The following GAP43 variants were observed in gnomAD, a reference collection of about 807,000 sequenced individuals.
GAP43 encodes the protein neuromodulin.
GAP43 carries 6 observed loss-of-function variants against 18.6 expected under a neutral mutation model. The observed-to-expected ratio is 0.32, with a 90% CI of 0.18 to 0.64. The LOEUF is 0.64. Ranked by LOEUF, GAP43 falls within the 30% of genes least tolerant of loss-of-function variation. The pLI is 0.78. For missense variants in GAP43, 292 were observed against 295.5 expected (o/e 0.99, Z 0.09); for synonymous variants, 115 against 111.4 (o/e 1.03, Z -0.20).
At chr3:115,712,557 C>T (rs1247901328) in intron 2 of GAP43, among the ~76,000 whole-genome samples, 2 of 152,216 alleles carry the variant, frequency 1.3e-5, no homozygotes, top group African/African-American at 4.8e-5. Flanking sequence ...CGACAAACTA[C>T]ATTCTGCACT....
chr3:115,633,814 C>T (rs1392393242), intron 1 of GAP43, among the ~76,000 whole-genome samples: 3 of 152,150 alleles, frequency 2.0e-5, no homozygotes, highest in South Asian at 2.1e-4. Context: ...TTTGCTCTAA[C>T]GTCTCTTTTT....
At chr3:115,669,747 G>A (rs774661450) in intron 1 of GAP43, among the ~76,000 whole-genome samples, 1 of 152,054 alleles carries the variant, frequency 6.6e-6, no homozygotes, top group Non-Finnish European at 1.5e-5. Context: ...ATACATTAAA[G>A]TGGACTGAAG....
chr3:115,654,996 A>C (rs1473931553), intron 1 of GAP43, among the ~76,000 whole-genome samples: 1 of 152,204 alleles, frequency 6.6e-6, no homozygotes, highest in Non-Finnish European at 1.5e-5. Flanking sequence ...TATATTTAAA[A>C]ATTTCTAGTG....
chr3:115,698,050 T>TATAA (rs1399746809), intron 2 of GAP43, among the ~76,000 whole-genome samples: 4 of 75,276 alleles, frequency 5.3e-5, no homozygotes, highest in African/African-American at 2.8e-4. Context: ...ATATTATATA[T>TATAA]TATATAAAAT....
At chr3:115,714,978 G>A (rs1709486715) in intron 2 of GAP43, among the ~76,000 whole-genome samples, 1 of 151,848 alleles carries the variant, frequency 6.6e-6, no homozygotes, top group Non-Finnish European at 1.5e-5. Context: ...TCCTGGTAAG[G>A]GCCAGCTTTC....
At chr3:115,651,269 G>A (rs1315884377) in intron 1 of GAP43, among the ~76,000 whole-genome samples, 1 of 152,194 alleles carries the variant, frequency 6.6e-6, no homozygotes, top group Non-Finnish European at 1.5e-5. Flanking sequence ...AACATTATGA[G>A]TTTCTTGCTA....
chr3:115,631,868 A>G lies in GAP43; in HGVS notation c.30+8149A>G, dbSNP rs555068172. On this transcript the variant is annotated intron_variant, in intron 1 of 2. Coordinates refer to ENST00000305124, the MANE Select transcript of GAP43 (RefSeq NM_002045.4). The stretch of plus-strand genomic sequence containing the variant: ...ACTGCTGAGCTCAAGTGATCCACCC[A>G]CCTCGGCCTCTCAAAGTGTTGGGAT... Among the ~76,000 whole-genome samples, 3 of 151,964 alleles carry G rather than the reference A, an allele frequency of 2.0e-5. No individual in the cohort carries two copies. In the East Asian group the frequency reaches 5.8e-4, roughly 29 times the overall value.
chr3:115,687,822 G>T (rs1709054098), intron 2 of GAP43, among the ~76,000 whole-genome samples: 1 of 152,074 alleles, frequency 6.6e-6, no homozygotes, highest in South Asian at 2.1e-4. Flanking sequence ...CTTCAATCTT[G>T]GCAAGATTAA....
At chr3:115,716,711 CAG>C (rs1472206156) in intron 2 of GAP43, among the ~76,000 whole-genome samples, 1 of 25,972 alleles carries the variant, frequency 3.9e-5, no homozygotes, top group Non-Finnish European at 8.7e-5. Flanking sequence ...ACTTTAATCT[CAG>C]ACAAATATAT....
intron 1 of GAP43, among the ~76,000 whole-genome samples, chr3:115,662,115 G>A (rs1469295944): frequency 6.6e-6 from 1 of 152,096 alleles, no homozygotes. Context: ...TTCTTAGATT[G>A]AATGTTATAG....
At chr3:115,671,912 T>C (rs1390284427) in intron 1 of GAP43, among the ~76,000 whole-genome samples, 1 of 152,240 alleles carries the variant, frequency 6.6e-6, no homozygotes, top group Non-Finnish European at 1.5e-5. Context: ...TGGGAAGTTA[T>C]TTATTGTTAA....
chr3:115,647,222 G>A (rs963041775), intron 1 of GAP43, among the ~76,000 whole-genome samples: 5 of 151,888 alleles, frequency 3.3e-5, no homozygotes, highest in African/African-American at 7.3e-5. Context: ...GAGAAGGCTC[G>A]GTCTATTATA....
rs750154075 is a variant in GAP43, at chr3:115,720,764, C to T, written c.629-30C>T. The T allele has an allele frequency of 4.7e-6, 7 of 1,482,760 alleles. No individual in the cohort carries two copies. The Admixed American group carries it at 1.2e-4, about 26-fold the overall frequency. 91.9% of individuals were successfully genotyped at this position (1,482,760 alleles called of 1,614,324 possible). ...GACAAAATACTAATTCTCTCCTTTT[C>T]CCCCCATCCTATCTTGTTTTCTTTC... On this transcript the variant is annotated intron_variant, in intron 2 of 2. Coordinates refer to ENST00000305124, the MANE Select transcript of GAP43 (RefSeq NM_002045.4).
chr3:115,629,223 T>G (rs1479897107), intron 1 of GAP43, among the ~76,000 whole-genome samples: 2 of 152,194 alleles, frequency 1.3e-5, no homozygotes, highest in Admixed American at 1.3e-4. Context: ...AGCAGTAACT[T>G]TCTATGTGGA....
At chr3:115,651,138 T>A (rs964792092) in intron 1 of GAP43, among the ~76,000 whole-genome samples, 1 of 151,948 alleles carries the variant, frequency 6.6e-6, no homozygotes, top group African/African-American at 2.4e-5. Flanking sequence ...AAAACAATAA[T>A]AATAATAATA....
chr3:115,676,489 T>C lies in GAP43; in HGVS notation c.507T>C (p.Asp169=), dbSNP rs199912254. The C allele has an allele frequency of 1.5e-5, 25 of 1,614,076 alleles. No homozygotes were observed. The East Asian group carries it at 4.5e-4, about 29-fold the overall frequency. The part of the protein sequence containing the change: ...APAKEEPKQA[D]VPAAVTAAAA... ...CCAAGGAGGAGCCTAAACAAGCCGA[T>C]GTGCCTGCTGCTGTCACTGCTGCTG... Residue 169 remains aspartate (D), a synonymous_variant, in exon 2 of 3, where the codon GAT becomes GAC. Transcript: ENST00000305124.
intron 2 of GAP43, among the ~76,000 whole-genome samples, chr3:115,700,356 C>A (rs1256172387): frequency 6.6e-6 from 1 of 152,056 alleles, no homozygotes; most frequent in Non-Finnish European, 1.5e-5. Context: ...ATTGAGATGC[C>A]TAAAAATAAA....
At chr3:115,647,766 A>AAAC (rs1418371157) in intron 1 of GAP43, among the ~76,000 whole-genome samples, 1 of 151,788 alleles carries the variant, frequency 6.6e-6, no homozygotes, top group Non-Finnish European at 1.5e-5. Flanking sequence ...AACAAAAAAA[A>AAAC]AAAACGGCCT....
Position 115,720,137 on chromosome 3 carries a change from A to AT in GAP43, c.629-651dup, listed in dbSNP as rs953977349. Among the ~76,000 whole-genome samples, 8 of 151,956 alleles carry AT rather than the reference A, an allele frequency of 5.3e-5. 1 individual carries two copies. The highest frequency in any genetic ancestry group is 8.8e-5 in the Non-Finnish European group (6 of 67,982). ...GGAGTGGTACAGTCACTCAGTGATG[A>AT]TTTTTTCTTTTTGCTCCACCATCCT... On this transcript the variant is annotated intron_variant, in intron 2 of 2. Coordinates refer to ENST00000305124, the MANE Select transcript of GAP43 (RefSeq NM_002045.4).
Sources: gnomAD v4.1 joint callset for allele counts (sites outside exome capture counted in the v4.1 genomes callset) on GRCh38, gnomAD v4.1.1 for gene constraint, MANE v1.5 for transcripts, NCBI Gene and HGNC (gene_info 2026-07-23, HGNC 2026-07-21) for gene names.